The following ZDHHC7 variants were observed in gnomAD, a reference collection of about 807,000 sequenced individuals.
ZDHHC7 encodes the protein zDHHC palmitoyltransferase 7, also known as palmitoyltransferase ZDHHC7.
ZDHHC7 carries 12 observed loss-of-function variants against 34.1 expected under a neutral mutation model. That is an observed-to-expected ratio of 0.35 (90% CI 0.23 to 0.57). The LOEUF (loss-of-function observed/expected upper bound fraction) is 0.57. ZDHHC7 is among the 20% of genes least tolerant of loss of function. ZDHHC7 has a pLI of 0.84. For synonymous variants in ZDHHC7, 185 were observed against 155.4 expected (o/e 1.19, Z -1.42); for missense variants, 388 against 402.7 (o/e 0.96, Z 0.31).
intron 4 of ZDHHC7, among the ~76,000 whole-genome samples, chr16:84,980,631 C>T (rs2072355473): frequency 6.6e-6 from 1 of 152,134 alleles, no homozygotes; most frequent in Admixed American, 6.5e-5. Context: ...GATTATGCCA[C>T]TGCACTCCAG....
intron 1 of ZDHHC7, among the ~76,000 whole-genome samples, chr16:84,996,364 T>C (rs373860820): frequency 2.0e-5 from 3 of 151,976 alleles, no homozygotes; most frequent in African/African-American, 7.3e-5. Context: ...ACTGGCCACA[T>C]TAAAGGAATC....
intron 3 of ZDHHC7, chr16:84,988,752 C>A (rs1218014557): frequency 1.9e-6 from 3 of 1,550,870 alleles, no homozygotes. Context: ...ATGTGCCTAC[C>A]CCACACTCAC....
intron 1 of ZDHHC7, among the ~76,000 whole-genome samples, chr16:84,999,565 T>C (rs1320953512): frequency 6.6e-6 from 1 of 152,158 alleles, no homozygotes; most frequent in Non-Finnish European, 1.5e-5. Context: ...ACAAGCAACA[T>C]GGCTAAATCT....
At chr16:85,000,250 A>G (rs2072636264) in intron 1 of ZDHHC7, among the ~76,000 whole-genome samples, 1 of 152,210 alleles carries the variant, frequency 6.6e-6, no homozygotes, top group Non-Finnish European at 1.5e-5. Context: ...CCGGTGTGAT[A>G]GTGCAAGGGT....
chr16:85,027,600 C>T, the ZDHHC7 span, among the ~76,000 whole-genome samples: 4 of 152,078 alleles, frequency 2.6e-5, no homozygotes, highest in African/African-American at 9.7e-5. Flanking sequence ...CGAGAGCGCT[C>T]CCACCGAGCG....
intron 1 of ZDHHC7, among the ~76,000 whole-genome samples, chr16:85,007,272 A>G (rs1321467346): frequency 6.6e-6 from 1 of 151,112 alleles, no homozygotes; most frequent in Non-Finnish European, 1.5e-5. Flanking sequence ...AAAATACAAA[A>G]ATTAGCCGGG....
chr16:84,989,177 T>G (rs140894153), intron 3 of ZDHHC7, among the ~76,000 whole-genome samples: 2 of 152,200 alleles, frequency 1.3e-5, no homozygotes, highest in Non-Finnish European at 2.9e-5. Flanking sequence ...CTGGCAGACT[T>G]TGCTTCCAAG....
chr16:85,003,695 G>A (rs540019503), intron 1 of ZDHHC7, among the ~76,000 whole-genome samples: 1 of 152,272 alleles, frequency 6.6e-6, no homozygotes, highest in African/African-American at 2.4e-5. Context: ...TAGTGACATT[G>A]CCTGACCTTT....
At chr16:85,006,239 G>C (rs953286254) in intron 1 of ZDHHC7, among the ~76,000 whole-genome samples, 3 of 151,968 alleles carry the variant, frequency 2.0e-5, no homozygotes, top group Admixed American at 6.6e-5. Flanking sequence ...CACAGCTGTA[G>C]TCCCAGCTAC....
chr16:85,009,666 TA>T (rs1303671143), intron 1 of ZDHHC7, among the ~76,000 whole-genome samples: 3 of 151,940 alleles, frequency 2.0e-5, no homozygotes, highest in Admixed American at 2.0e-4. Flanking sequence ...ATATTTCAAA[TA>T]TCCCAAGAGC....
intron 1 of ZDHHC7, among the ~76,000 whole-genome samples, chr16:85,004,442 A>G (rs1597562376): frequency 6.6e-6 from 1 of 152,068 alleles, no homozygotes; most frequent in East Asian, 1.9e-4. Flanking sequence ...CAGCACCCAG[A>G]GTGGTCTTCC....
rs899292942 is a variant in ZDHHC7 at position 84,975,053 on chromosome 16, G to A, written c.*1290C>T. ...CTTCTTGATGCGTCCGGCAAAAAAT[G>A]TACAAACCAGGCAAGTTTAAGGCAA... is the stretch of plus-strand genomic sequence containing the variant. On this transcript the variant is annotated 3_prime_UTR_variant, in exon 8 of 8. Transcript: ENST00000313732. 2 of 152,676 alleles carry A rather than the reference G, an allele frequency of 1.3e-5. No homozygotes were observed. Among genetic ancestry groups the A allele is most frequent in the Admixed American group, 6.5e-5 (1 of 15,282 alleles). The allele number at this position is 152,676 out of a possible 1,614,324, so 9.5% of individuals were successfully genotyped here.
At chr16:84,985,278 G>T (rs1451584027) in intron 3 of ZDHHC7, among the ~76,000 whole-genome samples, 2 of 152,208 alleles carry the variant, frequency 1.3e-5, no homozygotes, top group Admixed American at 6.5e-5. Flanking sequence ...CAGGCAAGGC[G>T]CTCTGTGCCA....
rs762595591 is a variant in ZDHHC7 at position 84,976,332 on chromosome 16, T to G, written c.*11A>C. ...AGTCTGTGAGCAAGTTTCAGTCTGA[T>G]GAGCCACGCCTCACACTGAGAACTC... On this transcript the variant is annotated 3_prime_UTR_variant, in exon 8 of 8. Coordinates refer to ENST00000313732, the MANE Select transcript of ZDHHC7 (RefSeq NM_017740.3). 16 of 1,612,130 alleles carry G rather than the reference T, an allele frequency of 9.9e-6. No individual in the cohort carries two copies. Among genetic ancestry groups the G allele is most frequent in the Middle Eastern group, 1.7e-4 (1 of 6,044 alleles).
At chr16:84,979,102 C>G (rs564014500) in intron 5 of ZDHHC7, 87 bp downstream of exon 5, 2 of 1,318,602 alleles carry the variant, frequency 1.5e-6, no homozygotes, top group Admixed American at 2.7e-5. Flanking sequence ...ACTGGCCTGA[C>G]GTTAGTAGAT....
At chr16:84,976,802 T>C (rs895321224) in intron 7 of ZDHHC7, among the ~76,000 whole-genome samples, 10 of 152,248 alleles carry the variant, frequency 6.6e-5, no homozygotes, top group Admixed American at 5.9e-4. Context: ...TGAGCGCCAC[T>C]CCAGGCCTGC....
chr16:84,989,618 C>G (rs1036876703), intron 3 of ZDHHC7, among the ~76,000 whole-genome samples: 2 of 147,508 alleles, frequency 1.4e-5, no homozygotes, highest in African/African-American at 5.1e-5. Context: ...TAGCTTGAAC[C>G]CAGGAGGCAG....
At position 84,976,313 on chromosome 16, in the gene ZDHHC7, T is replaced by C. The variant is rs2143529692; in HGVS notation, c.*30A>G. On this transcript the variant is annotated 3_prime_UTR_variant, in exon 8 of 8. Coordinates refer to ENST00000313732, the MANE Select transcript of ZDHHC7 (RefSeq NM_017740.3). ...CCCCAAATAAATAACTGGAAGTCTG[T>C]GAGCAAGTTTCAGTCTGATGAGCCA... is the stretch of plus-strand genomic sequence containing the variant. 1.2e-6 allele frequency: 2 copies of C among 1,609,086 alleles called. No homozygotes were observed. The highest frequency in any genetic ancestry group is 2.2e-5 in the East Asian group (1 of 44,856).
upstream of ZDHHC7, among the ~76,000 whole-genome samples, chr16:85,012,380 C>A (rs1430568564): frequency 3.7e-3 from 427 of 116,346 alleles, no homozygotes; most frequent in Middle Eastern, 9.3e-3. Context: ...TGAACAGTCT[C>A]AAAAAAAAAA....
Sources: allele counts gnomAD v4.1 joint callset (sites outside exome capture counted in the v4.1 genomes callset), GRCh38; gene constraint gnomAD v4.1.1; transcripts MANE v1.5; gene names NCBI Gene and HGNC (gene_info 2026-07-23, HGNC 2026-07-21).